The following GGACT variants were observed in gnomAD, a reference collection of about 807,000 sequenced individuals.
GGACT encodes the protein gamma-glutamylaminecyclotransferase.
For missense variants in GGACT, 241 were observed against 233.2 expected, an observed-to-expected ratio of 1.03 and a Z score of -0.22; for synonymous variants, 118 against 115.3, an observed-to-expected ratio of 1.02 and a Z score of -0.15.
intron 2 of GGACT, among the ~76,000 whole-genome samples, chr13:100,575,634 C>T (rs540109807): frequency 9.2e-5 from 14 of 152,222 alleles, no homozygotes; most frequent in African/African-American, 3.4e-4. Context: ...GTAGGTGGTG[C>T]ACAACTGTGG....
At chr13:100,535,328 C>T (rs2088476021) in intron 2 of GGACT, among the ~76,000 whole-genome samples, 1 of 152,236 alleles carries the variant, frequency 6.6e-6, no homozygotes, top group African/African-American at 2.4e-5. Context: ...CATTTATCTC[C>T]ATATTGTTAC....
intron 2 of GGACT, among the ~76,000 whole-genome samples, chr13:100,566,777 CA>C (rs1874899908): frequency 6.6e-6 from 1 of 152,228 alleles, no homozygotes; most frequent in Admixed American, 6.5e-5. Context: ...CAACCTGTGA[CA>C]TCAGGGCATC....
At chr13:100,550,455 CA>C (rs1454995931) in intron 2 of GGACT, among the ~76,000 whole-genome samples, 7 of 144,536 alleles carry the variant, frequency 4.8e-5, no homozygotes, top group African/African-American at 1.0e-4. Flanking sequence ...CACACACACA[CA>C]CACCACTTTT....
intron 2 of GGACT, among the ~76,000 whole-genome samples, chr13:100,578,359 A>G (rs2153016975): frequency 6.6e-6 from 1 of 152,352 alleles, no homozygotes; most frequent in Middle Eastern, 3.4e-3. Context: ...AGAGTCCAGA[A>G]TGTGTCGCAT....
intron 2 of GGACT, among the ~76,000 whole-genome samples, chr13:100,573,975 A>G (rs1300875801): frequency 6.6e-5 from 10 of 152,316 alleles, no homozygotes; most frequent in Admixed American, 5.9e-4. Context: ...CTACTGTGGA[A>G]AGCAGTTTGG....
chr13:100,567,042 C>A (rs182577807), intron 2 of GGACT, among the ~76,000 whole-genome samples: 2 of 152,160 alleles, frequency 1.3e-5, no homozygotes, highest in Non-Finnish European at 2.9e-5. Context: ...TGATTAGATT[C>A]GGATGGTATA....
intron 2 of GGACT, among the ~76,000 whole-genome samples, chr13:100,546,168 A>G (rs2088601632): frequency 6.6e-6 from 1 of 151,908 alleles, no homozygotes; most frequent in Admixed American, 6.6e-5. Flanking sequence ...AGACTATCCT[A>G]GCTAACATGG....
intron 2 of GGACT, among the ~76,000 whole-genome samples, chr13:100,535,217 T>TC (rs1409504349): frequency 4.6e-5 from 7 of 152,360 alleles, no homozygotes; most frequent in East Asian, 1.9e-4. Flanking sequence ...ATGGCATGTG[T>TC]CCAAAATGTC....
intron 2 of GGACT, among the ~76,000 whole-genome samples, chr13:100,568,700 C>T (rs1594195166): frequency 6.6e-6 from 1 of 152,334 alleles, no homozygotes; most frequent in South Asian, 2.1e-4. Flanking sequence ...AACAGTCCCT[C>T]AGTCTTAACT....
intron 2 of GGACT, among the ~76,000 whole-genome samples, chr13:100,571,474 T>C: frequency 6.6e-6 from 1 of 151,710 alleles, no homozygotes; most frequent in East Asian, 1.9e-4. Context: ...ATACTTTCTT[T>C]TTTTAGTTTT....
intron 2 of GGACT, among the ~76,000 whole-genome samples, chr13:100,557,954 C>T (rs1482444060): frequency 5.9e-5 from 9 of 152,092 alleles, no homozygotes; most frequent in African/African-American, 2.2e-4. Context: ...GAGGCCGAGG[C>T]GGGCGGATCA....
Position 100,545,343 on chromosome 13 carries a change from C to T in GGACT, c.-10-12742G>A, listed in dbSNP as rs2088595224. ...GGAAGCTGGGGCAGAGGTGAAGTGACTCACACACAAGGCGACCCAGGCAAG... is the reference window on the plus strand; with the variant it reads ...GGAAGCTGGGGCAGAGGTGAAGTGATTCACACACAAGGCGACCCAGGCAAG... On this transcript the variant is annotated intron_variant, in intron 2 of 2. Transcript: ENST00000683975. The surrounding 1 kb of genome is among the most constrained non-coding windows in gnomAD (Gnocchi z 4.4). Among the ~76,000 whole-genome samples the T allele has an allele frequency of 6.6e-6, 1 of 152,212 alleles. No homozygotes were observed. The highest frequency in any genetic ancestry group is 6.5e-5 in the Admixed American group (1 of 15,280).
At position 100,530,725 on chromosome 13, in the gene GGACT, T is replaced by G. The variant is rs1418511067; in HGVS notation, c.*1405A>C. ...TTCCTGCTGTGTCTCTATGTGGGTG[T>G]ACTGTTGGTGGCTGACTCCCCTGGA... On this transcript the variant is annotated 3_prime_UTR_variant, in exon 3 of 3. Transcript: ENST00000683975. 2 of 193,792 alleles carry G rather than the reference T, an allele frequency of 1.0e-5. No individual in the cohort carries two copies. The highest frequency in any genetic ancestry group is 2.1e-5 in the Non-Finnish European group (2 of 93,936). 12.0% of individuals were successfully genotyped at this position (193,792 alleles called of 1,614,324 possible). A position where few individuals can be genotyped will look rare whatever the true frequency, so the allele number is the denominator to read the frequency against.
At chr13:100,583,219 G>T (rs1875468054) in intron 2 of GGACT, among the ~76,000 whole-genome samples, 1 of 152,068 alleles carries the variant, frequency 6.6e-6, no homozygotes, top group African/African-American at 2.4e-5. Flanking sequence ...ATTTATCTGT[G>T]TTAACACGAA....
chr13:100,540,561 T>G (rs1302826474), intron 2 of GGACT, among the ~76,000 whole-genome samples: 1 of 152,246 alleles, frequency 6.6e-6, no homozygotes, highest in Non-Finnish European at 1.5e-5. Context: ...GTTAGTCTTC[T>G]CAAACAGCCA....
chr13:100,568,619 C>T (rs989491171), intron 2 of GGACT, among the ~76,000 whole-genome samples: 4 of 152,204 alleles, frequency 2.6e-5, no homozygotes, highest in Non-Finnish European at 5.9e-5. Context: ...ATGAGCCAAA[C>T]CATAACATCC....
Position 100,534,875 on chromosome 13 carries a change from T to C in GGACT, c.-10-2274A>G, listed in dbSNP as rs143678647. ...CCCACCTCATCTCCTGCACCCTCTC[T>C]CCCCTCATCCAGGTGGCTCCTGCCC... On this transcript the variant is annotated intron_variant, in intron 2 of 2. Coordinates refer to ENST00000683975, the MANE Select transcript of GGACT (RefSeq NM_001195087.2). This position sits in a 1 kb window ranked among gnomAD's most constrained non-coding sequence, Gnocchi z 4.9. Among the ~76,000 whole-genome samples, 972 of 152,230 alleles carry C rather than the reference T, an allele frequency of 6.4e-3. 12 individuals are homozygous for C. The highest frequency in any genetic ancestry group is 0.022 in the African/African-American group (914 of 41,552).
chr13:100,543,197 CTTTTTTTTTTTTTTT>C (rs147710327), intron 2 of GGACT, among the ~76,000 whole-genome samples: 1 of 69,892 alleles, frequency 1.4e-5, no homozygotes. Flanking sequence ...AAGACACCAG[CTTTTTTTTTTTTTTT>C]TTTTTTTTTT....
At chr13:100,576,038 T>A (rs1044796821) in intron 2 of GGACT, among the ~76,000 whole-genome samples, 2 of 152,236 alleles carry the variant, frequency 1.3e-5, no homozygotes, top group Non-Finnish European at 2.9e-5. Context: ...TGTAATACTT[T>A]GCCAAATATA....
Sources: allele counts gnomAD v4.1 joint callset (sites outside exome capture counted in the v4.1 genomes callset), GRCh38; gene constraint gnomAD v4.1.1; non-coding constraint Gnocchi (gnomAD v3.1); transcripts MANE v1.5; gene names NCBI Gene and HGNC (gene_info 2026-07-23, HGNC 2026-07-21).